Variants in TIAM2 observed in about 807,000 individuals in gnomAD.
TIAM2 encodes TIAM Rac1 associated GEF 2, also known as rho guanine nucleotide exchange factor TIAM2.
Under a neutral mutation model 152.9 loss-of-function variants are expected in TIAM2, and 80 were observed. That is an observed-to-expected ratio of 0.52 (90% CI 0.44 to 0.63). The LOEUF (loss-of-function observed/expected upper bound fraction) is 0.63, where lower values mean the gene tolerates loss of function less well. Ranked by LOEUF, TIAM2 falls within the 30% of genes least tolerant of loss-of-function variation. TIAM2 has a pLI of 0.00. For missense variants in TIAM2, 1,965 were observed against 2,120.1 expected, an observed-to-expected ratio of 0.93 and a Z score of 1.44; for synonymous variants, 804 against 838.0, an observed-to-expected ratio of 0.96 and a Z score of 0.70.
chr6:155,125,689 A>G, intron 2 of TIAM2, among the ~76,000 whole-genome samples: 1 of 151,942 alleles, frequency 6.6e-6, no homozygotes, highest in South Asian at 2.1e-4. Context: ...AATCAGAAAA[A>G]TTATCTGGTG....
intron 1 of TIAM2, among the ~76,000 whole-genome samples, chr6:155,061,275 T>A (rs1777574312): frequency 6.8e-6 from 1 of 147,116 alleles, no homozygotes; most frequent in East Asian, 1.9e-4. Context: ...TTTCTGTATC[T>A]ATCTGTACAT....
At chr6:155,029,505 A>AGTATATAGT (rs1303279516) in intron 1 of TIAM2, among the ~76,000 whole-genome samples, 3 of 28,336 alleles carry the variant, frequency 1.1e-4, no homozygotes, top group African/African-American at 4.2e-4. Flanking sequence ...TATTATATAT[A>AGTATATAGT]ATATATACTA....
At chr6:155,008,942 T>C (rs1220561973) in intron 1 of TIAM2, among the ~76,000 whole-genome samples, 1 of 152,076 alleles carries the variant, frequency 6.6e-6, no homozygotes, top group African/African-American at 2.4e-5. Context: ...AGTTGTAGGA[T>C]TGAAATAGGA....
At chr6:155,228,832 TCA>T (rs1053280964) in intron 15 of TIAM2, among the ~76,000 whole-genome samples, 13 of 152,150 alleles carry the variant, frequency 8.5e-5, no homozygotes, top group African/African-American at 2.9e-4. Context: ...CACCAGCTGC[TCA>T]GTTGCTCCGT....
intron 1 of TIAM2, among the ~76,000 whole-genome samples, chr6:155,077,074 T>A (rs570778754): frequency 1.6e-4 from 25 of 152,378 alleles, no homozygotes; most frequent in African/African-American, 1.2e-4. Context: ...TAACTCATGC[T>A]AATTTATCAG....
intron 2 of TIAM2, among the ~76,000 whole-genome samples, chr6:155,112,150 G>T (rs1257991214): frequency 1.4e-5 from 2 of 143,908 alleles, no homozygotes; most frequent in Admixed American, 7.0e-5. Flanking sequence ...TTTTGAGATG[G>T]AGTCTTGCTC....
chr6:155,254,961 G>A (rs1388824330), intron 26 of TIAM2: 1 of 163,376 alleles, frequency 6.1e-6, no homozygotes, highest in Non-Finnish European at 1.3e-5. Flanking sequence ...CCTTCTGATG[G>A]TTCAACCTAC....
chr6:155,187,573 C>CTTTTTTTTTTTTTTTTTTTTTTTT (rs59818801), intron 14 of TIAM2, among the ~76,000 whole-genome samples: 20 of 49,622 alleles, frequency 4.0e-4, no homozygotes, highest in Non-Finnish European at 6.6e-4. Context: ...ACCCCGCCCC[C>CTTTTTTTTTTTTTTTTTTTTTTTT]TTTTTTTTTT....
At chr6:155,105,024 A>G (rs1305712073) in intron 2 of TIAM2, among the ~76,000 whole-genome samples, 1 of 151,682 alleles carries the variant, frequency 6.6e-6, no homozygotes. Flanking sequence ...TGGTGCAGTC[A>G]TGGCTCACTG....
chr6:155,169,842 G>A (rs1780538931), intron 9 of TIAM2, among the ~76,000 whole-genome samples: 1 of 150,996 alleles, frequency 6.6e-6, no homozygotes, highest in Non-Finnish European at 1.5e-5. Context: ...TTTTTCAGAT[G>A]GAGTCTCACT....
At chr6:155,172,686 A>ATATATATATATATATATATT (rs1562341365) in intron 9 of TIAM2, among the ~76,000 whole-genome samples, 1 of 19,646 alleles carries the variant, frequency 5.1e-5, no homozygotes, top group Non-Finnish European at 9.0e-5. Context: ...ATATATATAT[A>ATATATATATATATATATATT]TTTTTTTTTT....
intron 1 of TIAM2, among the ~76,000 whole-genome samples, chr6:155,072,209 A>T (rs1269078561): frequency 6.6e-6 from 1 of 152,130 alleles, no homozygotes; most frequent in Non-Finnish European, 1.5e-5. Flanking sequence ...AAGGTTTCAA[A>T]CTCGAGCATA....
At chr6:155,023,706 C>T (rs780818237) in intron 1 of TIAM2, among the ~76,000 whole-genome samples, 8 of 152,078 alleles carry the variant, frequency 5.3e-5, no homozygotes, top group Non-Finnish European at 1.2e-4. Context: ...TCCTTGCAGG[C>T]GGAGCCTCCA....
At chr6:155,056,534 T>G (rs1777456767) in intron 1 of TIAM2, among the ~76,000 whole-genome samples, 1 of 152,184 alleles carries the variant, frequency 6.6e-6, no homozygotes, top group Non-Finnish European at 1.5e-5. Context: ...CTGCTTGTTT[T>G]CTGTATCCGA....
At chr6:155,191,652 C>T (rs749305928) in intron 14 of TIAM2, among the ~76,000 whole-genome samples, 5 of 151,994 alleles carry the variant, frequency 3.3e-5, no homozygotes, top group Non-Finnish European at 7.4e-5. Context: ...ATTAGCCAGG[C>T]GTTGTGGCGC....
At chr6:155,099,919 C>T (rs939683775) in intron 2 of TIAM2, among the ~76,000 whole-genome samples, 2 of 152,212 alleles carry the variant, frequency 1.3e-5, no homozygotes, top group African/African-American at 2.4e-5. Flanking sequence ...TGGCATGTGA[C>T]TGTAGTGAAT....
chr6:155,009,530 A>G (rs569395529), intron 1 of TIAM2, among the ~76,000 whole-genome samples: 18 of 152,220 alleles, frequency 1.2e-4, no homozygotes, highest in Non-Finnish European at 1.9e-4. Flanking sequence ...GTGTTGGTCT[A>G]TACTGAGTGG....
intron 24 of TIAM2, 82 bp from the exon 25 acceptor site, chr6:155,253,891 G>C: frequency 9.8e-7 from 1 of 1,022,062 alleles, no homozygotes; most frequent in African/African-American, 1.6e-5. Flanking sequence ...CTTAACTGAT[G>C]AGATTTCAAC....
chr6:155,169,216 C>T (rs569432323), intron 9 of TIAM2, among the ~76,000 whole-genome samples: 3 of 152,170 alleles, frequency 2.0e-5, no homozygotes, highest in East Asian at 3.9e-4. Flanking sequence ...ACGATGGTCT[C>T]GATCTCCTGA....
Sources: gnomAD v4.1 joint callset for allele counts (sites outside exome capture counted in the v4.1 genomes callset) on GRCh38, gnomAD v4.1.1 for gene constraint, MANE v1.5 for transcripts, NCBI Gene and HGNC (gene_info 2026-07-23, HGNC 2026-07-21) for gene names.